SETD1B: variants seen among roughly 807,000 people sequenced by gnomAD.
SETD1B encodes SET domain containing 1B, histone lysine methyltransferase.
SETD1B carries 7 observed loss-of-function variants against 148.0 expected under a neutral mutation model. The observed-to-expected ratio is 0.05, with a 90% CI of 0.03 to 0.09. The LOEUF (loss-of-function observed/expected upper bound fraction) is 0.09, where lower values mean the gene tolerates loss of function less well. Among genes scored for constraint, SETD1B ranks in the 10% least tolerant of loss-of-function variants. The pLI is 1.00. For missense variants in SETD1B, 2,155 were observed against 2,729.9 expected (o/e 0.79, Z 4.69); for synonymous variants, 1,361 against 1,186.5 (o/e 1.15, Z -3.02).
intron 16 of SETD1B, among the ~76,000 whole-genome samples, chr12:121,828,729 T>C (rs1876956762): frequency 6.6e-6 from 1 of 152,226 alleles, no homozygotes. Flanking sequence ...AGTCTTGGCA[T>C]TGCAGCTTAG....
At chr12:121,792,800 CAG>C in the SETD1B span, among the ~76,000 whole-genome samples, 1 of 152,248 alleles carries the variant, frequency 6.6e-6, no homozygotes, top group African/African-American at 2.4e-5. Context: ...CTGCAGCTCA[CAG>C]AGTCTGCAGA....
rs1875959261 is a variant in SETD1B at position 121,810,237 on chromosome 12, C to T, written c.1292C>T (p.Ala431Val). Residue 431 changes from alanine (A) to valine (V), a missense_variant, in exon 6 of 17, where the codon GCA (alanine) becomes GTA (valine). This residue lies in a region of SETD1B where 376 missense variants were observed against 385.0 expected (regional missense o/e 0.98). Transcript: ENST00000604567. The surrounding 1 kb of genome is among the most constrained non-coding windows in gnomAD (Gnocchi z 7.6). Reference sequence around the variant, plus strand: ...CGCGACAGTGGGGAGTTCCGGAGGGCACCGGCGCCCCCACCCCTGCCACCT... The same window carrying T: ...CGCGACAGTGGGGAGTTCCGGAGGGTACCGGCGCCCCCACCCCTGCCACCT... ...GARDSGEFRR[A>V]PAPPPLPPAE... 1.3e-6 allele frequency: 2 copies of T among 1,547,656 alleles called. No individual in the cohort carries two copies. The highest frequency in any genetic ancestry group is 1.4e-5 in the African/African-American group (1 of 73,138).
At position 121,810,371 on chromosome 12, in the gene SETD1B, C is replaced by A. The variant is rs762385444; in HGVS notation, c.1426C>A (p.Pro476Thr). The change falls in exon 6 of 17, where the codon CCC (proline) becomes ACC (threonine). Residue 476 changes from proline (P) to threonine (T), a missense_variant. Pro to Thr is a conservative substitution (Grantham distance 38). Around this residue, in one of 11 missense-constraint regions of SETD1B, gnomAD observed 376 missense variants for 385.0 expected, o/e 0.98. Coordinates refer to ENST00000604567, the MANE Select transcript of SETD1B (RefSeq NM_001353345.2). The surrounding 1 kb of genome is among the most constrained non-coding windows in gnomAD (Gnocchi z 7.6). Reference sequence around the variant, plus strand: ...GCCCACCTTCGGCTGGAGTCCTGAGCCCTGTGACAGCCCTGGCACGCCCAC... The same window carrying A: ...GCCCACCTTCGGCTGGAGTCCTGAGACCTGTGACAGCCCTGGCACGCCCAC... ...GRPTFGWSPE[P>T]CDSPGTPTLE... The A allele has an allele frequency of 3.2e-6, 5 of 1,547,968 alleles. No homozygotes were observed. In the South Asian group the frequency reaches 5.9e-5, roughly 18 times the overall value.
intron 13 of SETD1B, among the ~76,000 whole-genome samples, chr12:121,825,981 T>C (rs1159173960): frequency 6.6e-6 from 1 of 152,070 alleles, no homozygotes; most frequent in African/African-American, 2.4e-5. Context: ...AAATATCTGT[T>C]GAGTACATGC....
chr12:121,792,024 G>C, the SETD1B span, among the ~76,000 whole-genome samples: 1 of 152,230 alleles, frequency 6.6e-6, no homozygotes, highest in African/African-American at 2.4e-5. Context: ...CTGTTTTGGG[G>C]TTGGCCCTAC....
Position 121,831,673 on chromosome 12 carries a change from A to AGGG in SETD1B, c.*1435_*1436insGGG, listed in dbSNP as rs1452510302. ...CAAGTCCCCCCGTACCCCAGAAAGC[A>AGGG]GAGGAGGCGTGTAAATAATTTCTGG... On this transcript the variant is annotated 3_prime_UTR_variant, in exon 17 of 17. Transcript: ENST00000604567. The AGGG allele has an allele frequency of 6.6e-6, 1 of 152,042 alleles. No homozygotes were observed. The highest frequency in any genetic ancestry group is 2.4e-5 in the African/African-American group (1 of 41,402). 9.4% of individuals were successfully genotyped at this position (152,042 alleles called of 1,614,324 possible).
chr12:121,822,580 C>T lies in SETD1B; in HGVS notation c.4001C>T (p.Pro1334Leu). ...CCGCCCCCACGACCACCCCGGCCAC[C>T]CAGCCCACCGCCGGAGCCTGAGACC... ...PLPPPRPPRPPSPPPEPETTD... is the reference protein window; with the variant it reads ...PLPPPRPPRPLSPPPEPETTD... Residue 1334 changes from proline (P) to leucine (L), a missense_variant, in exon 12 of 17, where the codon CCC (proline) becomes CTC (leucine). Coordinates refer to ENST00000604567, the MANE Select transcript of SETD1B (RefSeq NM_001353345.2). The T allele has an allele frequency of 6.4e-7, 1 of 1,551,466 alleles. No individual in the cohort carries two copies. The highest frequency in any genetic ancestry group is 8.7e-7 in the Non-Finnish European group (1 of 1,146,866).
At chr12:121,826,460 A>G (rs530541036) in intron 13 of SETD1B, among the ~76,000 whole-genome samples, 1 of 152,296 alleles carries the variant, frequency 6.6e-6, no homozygotes, top group Non-Finnish European at 1.5e-5. Context: ...CACTGACCCC[A>G]GCAGGCCTCC....
rs1431050930 is a variant in SETD1B at position 121,831,575 on chromosome 12, T to TGGG, written c.*1336_*1337insGGG. The stretch of plus-strand genomic sequence containing the variant: ...TTTCTCTTGGGAACATTGTTTCTTG[T>TGGG]AGAAACATGCGGGAAGACATTTTTT... On this transcript the variant is annotated 3_prime_UTR_variant, in exon 17 of 17. Coordinates refer to ENST00000604567, the MANE Select transcript of SETD1B (RefSeq NM_001353345.2). 4 of 151,856 alleles carry TGGG rather than the reference T, an allele frequency of 2.6e-5. No individual in the cohort carries two copies. The highest frequency in any genetic ancestry group is 9.7e-5 in the African/African-American group (4 of 41,330). The allele number at this position is 151,856 out of a possible 1,614,324, so 9.4% of individuals were successfully genotyped here. A position where few individuals can be genotyped will look rare whatever the true frequency, so the allele number is the denominator to read the frequency against.
At chr12:121,824,979 CAAAAA>C (rs780514725) in intron 12 of SETD1B, among the ~76,000 whole-genome samples, 1 of 57,176 alleles carries the variant, frequency 1.7e-5, no homozygotes, top group Non-Finnish European at 3.7e-5. Flanking sequence ...GACCCTGTCT[CAAAAA>C]AAAAAAAAAA....
In SETD1B at chr12:121,817,735, C is replaced by T. The variant is rs1212286084; in HGVS notation, c.3312+31C>T. 4 of 1,536,480 alleles carry T rather than the reference C, an allele frequency of 2.6e-6. No homozygotes were observed. ...TAGCAGGCCAGGAAGCCTCAGGGGG[C>T]CGGGCCAGGCGACGAGGGCCAGACC... On this transcript the variant is annotated intron_variant, in intron 9 of 16. Coordinates refer to ENST00000604567, the MANE Select transcript of SETD1B (RefSeq NM_001353345.2). The surrounding 1 kb of genome is among the most constrained non-coding windows in gnomAD (Gnocchi z 8.1).
Position 121,817,173 on chromosome 12 carries a change from G to A in SETD1B, c.2856G>A (p.Gly952=). 6.5e-7 allele frequency: 1 copy of A among 1,549,722 alleles called. No individual in the cohort carries two copies. Among genetic ancestry groups the A allele is most frequent in the Non-Finnish European group, 8.7e-7 (1 of 1,146,918 alleles). ...LGYEGLGLGI[G]LRGAIRLPSF... Reference sequence around the variant, plus strand: ...ACGAGGGCCTGGGCCTGGGCATTGGGCTGCGTGGGGCCATTCGCCTGCCCT... The same window carrying A: ...ACGAGGGCCTGGGCCTGGGCATTGGACTGCGTGGGGCCATTCGCCTGCCCT... The change falls in exon 8 of 17, where the codon GGG becomes GGA. Residue 952 remains glycine (G), a synonymous_variant. Coordinates refer to ENST00000604567, the MANE Select transcript of SETD1B (RefSeq NM_001353345.2). This position sits in a 1 kb window ranked among gnomAD's most constrained non-coding sequence, Gnocchi z 8.1.
In SETD1B at chr12:121,817,241, C is replaced by T. The variant is rs1876333817; in HGVS notation, c.2924C>T (p.Ser975Phe). The change falls in exon 8 of 17, where the codon TCT (serine) becomes TTT (phenylalanine). Residue 975 changes from serine to phenylalanine, a missense_variant. Around this residue, in one of 11 missense-constraint regions of SETD1B, gnomAD observed 289 missense variants for 423.7 expected, o/e 0.68. Coordinates refer to ENST00000604567, the MANE Select transcript of SETD1B (RefSeq NM_001353345.2). This position sits in a 1 kb window ranked among gnomAD's most constrained non-coding sequence, Gnocchi z 8.1. The stretch of plus-strand genomic sequence containing the variant: ...AAGGAGCCACCAGACACCACCTCAT[C>T]TGGCGACCAGAAGCGGCTGCGGCCC... ...KRKEPPDTTSSGDQKRLRPST... is the reference protein window; with the variant it reads ...KRKEPPDTTSFGDQKRLRPST... 3 of 1,550,992 alleles carry T rather than the reference C, an allele frequency of 1.9e-6. No individual in the cohort carries two copies. The highest frequency in any genetic ancestry group is 2.6e-6 in the Non-Finnish European group (3 of 1,146,966).
intron 13 of SETD1B, among the ~76,000 whole-genome samples, chr12:121,825,925 C>A (rs560050816): frequency 6.6e-6 from 1 of 152,136 alleles, no homozygotes; most frequent in African/African-American, 2.4e-5. Flanking sequence ...GGATTATAAG[C>A]ATAAGCCACA....
chr12:121,797,201 C>G, the SETD1B span: 3,137 of 352,774 alleles, frequency 8.9e-3, 120 homozygotes, highest in African/African-American at 0.062. Context: ...CCAGAGGGTC[C>G]GAAAGGTCAT....
At chr12:121,802,725 G>A (rs1206424278), upstream of SETD1B, 2 of 152,170 alleles carry the variant, frequency 1.3e-5, no homozygotes, top group Admixed American at 6.5e-5. Flanking sequence ...CAAGTCATAA[G>A]GAAAAATCCA....
chr12:121,790,627 G>T, the SETD1B span, among the ~76,000 whole-genome samples: 1 of 152,210 alleles, frequency 6.6e-6, no homozygotes, highest in African/African-American at 2.4e-5. Flanking sequence ...GTCACGGGGG[G>T]ATACCCTACA....
At position 121,810,612 on chromosome 12, in the gene SETD1B, G is replaced by T; in HGVS notation, c.1667G>T (p.Gly556Val). The T allele has an allele frequency of 1.3e-6, 2 of 1,548,168 alleles. No homozygotes were observed. Among genetic ancestry groups the T allele is most frequent in the Non-Finnish European group, 8.7e-7 (1 of 1,146,544 alleles). ...ACCAACTCCCAGCCAGGCTTCCGGG[G>T]CCCCACGCCCCCCTCGTCACGCCCC... is the stretch of plus-strand genomic sequence containing the variant. ...FGTNSQPGFR[G>V]PTPPSSRPSS... The change falls in exon 6 of 17, where the codon GGC becomes GTC. Residue 556 changes from glycine (G) to valine (V), a missense_variant. Transcript: ENST00000604567. This position sits in a 1 kb window ranked among gnomAD's most constrained non-coding sequence, Gnocchi z 7.6.
In SETD1B at chr12:121,814,436, ATCCTGCC is replaced by A; in HGVS notation, c.2222_2228del (p.Ile741AsnfsTer13). The A allele has an allele frequency of 2.1e-6, 2 of 934,964 alleles. No homozygotes were observed. The highest frequency in any genetic ancestry group is 2.8e-6 in the Non-Finnish European group (2 of 707,796). The allele number at this position is 934,964 out of a possible 1,614,324, so 57.9% of individuals were successfully genotyped here. A position where few individuals can be genotyped will look rare whatever the true frequency, so the allele number is the denominator to read the frequency against. On this transcript the variant is annotated frameshift_variant, in exon 7 of 17. Transcript: ENST00000604567. LOFTEE classifies it high-confidence loss of function. Reference sequence around the variant, plus strand: ...GCCGCCTGGAGTCCCGCCCCCACCCATCCTGCCACCACTGCCCCCCTTTCCGCCGGGC... The same window carrying A: ...GCCGCCTGGAGTCCCGCCCCCACCCAACCACTGCCCCCCTTTCCGCCGGGC...
Sources: gnomAD v4.1 joint callset for allele counts (sites outside exome capture counted in the v4.1 genomes callset) on GRCh38, gnomAD v4.1.1 for gene constraint, gnomAD v4.1.1 regional missense constraint, Gnocchi (gnomAD v3.1) non-coding constraint, MANE v1.5 for transcripts, NCBI Gene and HGNC (gene_info 2026-07-23, HGNC 2026-07-21) for gene names.